The following C12orf76 variants were observed in gnomAD, a reference collection of about 807,000 sequenced individuals.
C12orf76 encodes the protein uncharacterized protein C12orf76.
A neutral mutation model predicts 6.8 loss-of-function variants in C12orf76; 6 were observed. The observed-to-expected ratio is 0.88, with a 90% CI of 0.48 to 1.73. The LOEUF (loss-of-function observed/expected upper bound fraction) is 1.73. Ranked by LOEUF, C12orf76 falls within the 40% of genes most tolerant of loss-of-function variation. The probability of loss-of-function intolerance (pLI) is 0.01; values close to 1 mark genes in which losing one functional copy is unlikely to be tolerated. For synonymous variants in C12orf76, 56 were observed against 43.7 expected, an observed-to-expected ratio of 1.28 and a Z score of -1.11; for missense variants, 99 against 98.2, an observed-to-expected ratio of 1.01 and a Z score of -0.03.
At chr12:110,055,236 CAG>C (rs1188476974) in intron 4 of C12orf76, among the ~76,000 whole-genome samples, 10 of 134,588 alleles carry the variant, frequency 7.4e-5, no homozygotes, top group African/African-American at 2.8e-4. Context: ...TTTTTTGAGA[CAG>C]AGTCTCCCTC....
intron 2 of C12orf76, among the ~76,000 whole-genome samples, chr12:110,065,460 G>A (rs905275606): frequency 5.3e-5 from 8 of 152,048 alleles, no homozygotes; most frequent in Admixed American, 6.6e-5. Context: ...GTGAGCCACC[G>A]TGCCCACTCC....
chr12:110,047,268 G>A (rs753455586), intron 1 of C12orf76, among the ~76,000 whole-genome samples: 4 of 152,078 alleles, frequency 2.6e-5, no homozygotes, highest in Admixed American at 6.5e-5. Context: ...GTGTGTTGAA[G>A]ATATCCTCCC....
At chr12:110,070,557 C>A (rs1892949868), upstream of C12orf76, among the ~76,000 whole-genome samples, 1 of 152,022 alleles carries the variant, frequency 6.6e-6, no homozygotes, top group African/African-American at 2.4e-5. Flanking sequence ...ATAGTGTGAC[C>A]CTCTCTCACT....
intron 2 of C12orf76, among the ~76,000 whole-genome samples, chr12:110,060,167 G>A (rs928273495): frequency 2.0e-5 from 3 of 151,894 alleles, no homozygotes; most frequent in Non-Finnish European, 2.9e-5. Flanking sequence ...CGGAGGTTGC[G>A]GTGAGCCGAG....
intron 1 of C12orf76, 37 bp from the exon 2 acceptor site, chr12:110,042,496 T>C: frequency 7.1e-7 from 1 of 1,401,038 alleles, no homozygotes; most frequent in Non-Finnish European, 1.0e-6. Context: ...TAATGGCAGC[T>C]CCAGGTTAGG....
upstream of C12orf76, among the ~76,000 whole-genome samples, chr12:110,068,983 A>G (rs1488968044): frequency 6.6e-6 from 1 of 152,250 alleles, no homozygotes; most frequent in African/African-American, 2.4e-5. Flanking sequence ...CAAGCTGTGT[A>G]CTGTGAGACT....
intron 1 of C12orf76, among the ~76,000 whole-genome samples, chr12:110,042,987 GGAGAATCGCTT>G (rs1892353656): frequency 6.6e-6 from 1 of 152,084 alleles, no homozygotes; most frequent in South Asian, 2.1e-4. Flanking sequence ...GGCTGAGGCA[GGAGAATCGCTT>G]GAACCCGAGA....
In C12orf76 at chr12:110,059,194, T is replaced by C. The variant is rs372795102; in HGVS notation, n.381-31A>G. On this transcript the variant is annotated intron_variant and non_coding_transcript_variant, in intron 2 of 4. Coordinates refer to the C12orf76 transcript ENST00000309050. ...GTAAAAAAAAATGCACACACACAAT[T>C]AATTTTTGTGTGTTGATCTTGTTCC... 3.7e-5 allele frequency: 57 copies of C among 1,534,148 alleles called. No homozygotes were observed. The African/African-American group carries it at 5.1e-4, about 14-fold the overall frequency.
At chr12:110,059,112 A>G (rs1253278501) in exon 3 of C12orf76, 4 of 1,551,110 alleles carry the variant, frequency 2.6e-6, no homozygotes, top group Non-Finnish European at 3.5e-6. Context: ...GCTCTCTTAA[A>G]TGCTATGGTA....
chr12:110,066,029 A>G (rs1253849821), exon 2 of C12orf76: 15 of 1,584,276 alleles, frequency 9.5e-6, no homozygotes, highest in African/African-American at 1.3e-5. Context: ...AAGCTCTCAC[A>G]TCACCTAGGT....
upstream of C12orf76, among the ~76,000 whole-genome samples, chr12:110,071,070 C>G (rs548321182): frequency 6.6e-6 from 1 of 152,260 alleles, no homozygotes; most frequent in East Asian, 1.9e-4. Flanking sequence ...CCACCATGCC[C>G]GGCCCAGTGT....
At chr12:110,052,624 C>T (rs1038701751), upstream of C12orf76, among the ~76,000 whole-genome samples, 19 of 152,196 alleles carry the variant, frequency 1.2e-4, no homozygotes, top group Admixed American at 1.1e-3. Context: ...CGCGTCCAGC[C>T]TAAAGAGTTT....
rs772059840 is a variant in C12orf76, at chr12:110,048,502, C to G, written c.-7G>C. On this transcript the variant is annotated 5_prime_UTR_variant, in exon 1 of 2. Coordinates refer to ENST00000615315, the MANE Select transcript of C12orf76 (RefSeq NM_001389625.1). Reference sequence around the variant, plus strand: ...GTAACGCTGGACGCAGCATCTTCCCCAGCCCTGCAGAAGCAGAGAGGCCAC... The same window carrying G: ...GTAACGCTGGACGCAGCATCTTCCCGAGCCCTGCAGAAGCAGAGAGGCCAC... The G allele has an allele frequency of 6.1e-5, 86 of 1,421,082 alleles. No individual in the cohort carries two copies. In the South Asian group the frequency reaches 1.2e-3, roughly 20 times the overall value. The allele number at this position is 1,421,082 out of a possible 1,614,324, so 88.0% of individuals were successfully genotyped here.
intron 1 of C12orf76, among the ~76,000 whole-genome samples, chr12:110,046,104 C>T (rs1191102839): frequency 1.3e-5 from 2 of 152,034 alleles, no homozygotes; most frequent in Non-Finnish European, 2.9e-5. Flanking sequence ...GTGACAGTTG[C>T]CTGAATTGCA....
At chr12:110,045,301 T>G (rs2137215584) in intron 1 of C12orf76, among the ~76,000 whole-genome samples, 1 of 152,260 alleles carries the variant, frequency 6.6e-6, no homozygotes, top group South Asian at 2.1e-4. Context: ...AAAAAAAATT[T>G]AAAACTCTCG....
chr12:110,068,219 A>G (rs1444996358), upstream of C12orf76, among the ~76,000 whole-genome samples: 1 of 150,004 alleles, frequency 6.7e-6, no homozygotes, highest in African/African-American at 2.5e-5. Flanking sequence ...AAGAAGAAGA[A>G]GGAGAAGGAG....
At chr12:110,062,620 G>T (rs1438108078) in intron 2 of C12orf76, among the ~76,000 whole-genome samples, 1 of 145,584 alleles carries the variant, frequency 6.9e-6, no homozygotes, top group Non-Finnish European at 1.5e-5. Flanking sequence ...TAGAAAAAAA[G>T]AGATTTTTTT....
At chr12:110,045,003 T>C (rs958557522) in intron 1 of C12orf76, among the ~76,000 whole-genome samples, 1 of 151,718 alleles carries the variant, frequency 6.6e-6, no homozygotes, top group Admixed American at 6.6e-5. Context: ...GAAAAGAAAA[T>C]TCATCTTTTT....
intron 1 of C12orf76, among the ~76,000 whole-genome samples, chr12:110,044,978 T>TA (rs1320226359): frequency 3.4e-5 from 5 of 148,892 alleles, no homozygotes; most frequent in Non-Finnish European, 3.0e-5. Flanking sequence ...CGTCTCAAAA[T>TA]AAAAAAAAAG....
Sources: allele counts gnomAD v4.1 joint callset (sites outside exome capture counted in the v4.1 genomes callset), GRCh38; gene constraint gnomAD v4.1.1; transcripts MANE v1.5; gene names NCBI Gene and HGNC (gene_info 2026-07-23, HGNC 2026-07-21).